CCSAP: variants seen among roughly 807,000 people sequenced by gnomAD.
CCSAP encodes centriole, cilia and spindle-associated protein.
CCSAP carries 17 observed loss-of-function variants against 25.9 expected under a neutral mutation model. The ratio of observed to expected loss-of-function variants is 0.66; its 90% CI spans 0.45 to 0.99. CCSAP has a LOEUF of 0.99. CCSAP is among the 50% of genes least tolerant of loss of function. The probability of loss-of-function intolerance (pLI) is 0.00; values close to 1 mark genes in which losing one functional copy is unlikely to be tolerated. For missense variants in CCSAP, 339 were observed against 367.8 expected, an observed-to-expected ratio of 0.92 and a Z score of 0.64; for synonymous variants, 169 against 157.1, an observed-to-expected ratio of 1.08 and a Z score of -0.57.
rs1657822005 is a variant in CCSAP at position 229,321,438 on chromosome 1, C to A, written c.*3797G>T. 2 of 152,184 alleles carry A rather than the reference C, an allele frequency of 1.3e-5. No homozygotes were observed. Among genetic ancestry groups the A allele is most frequent in the Non-Finnish European group, 2.9e-5 (2 of 68,040 alleles). The allele number at this position is 152,184 out of a possible 1,614,324, so 9.4% of individuals were successfully genotyped here. A position where few individuals can be genotyped will look rare whatever the true frequency, so the allele number is the denominator to read the frequency against. On this transcript the variant is annotated 3_prime_UTR_variant, in exon 4 of 4. Transcript: ENST00000284617. ...TTAAGCACACACTTGCACTGAATAA[C>A]TCCATATCCACCCTATAGTACAAAA... is the stretch of plus-strand genomic sequence containing the variant.
intron 2 of CCSAP, among the ~76,000 whole-genome samples, chr1:229,334,721 G>C (rs1469204329): frequency 6.6e-6 from 1 of 151,942 alleles, no homozygotes; most frequent in African/African-American, 2.4e-5. Flanking sequence ...ATAAAAATCA[G>C]TTAAAAAAAT....
In CCSAP at chr1:229,336,795, C is replaced by CTTTTT. The variant is rs1442382348; in HGVS notation, c.367+5299_367+5303dup. Among the ~76,000 whole-genome samples the CTTTTT allele has an allele frequency of 2.0e-5, 3 of 151,952 alleles. No homozygotes were observed. In the South Asian group the frequency reaches 6.2e-4, roughly 32 times the overall value. ...ATTTCTGGCCTTTTTCTTTTCTTTT[C>CTTTTT]TTTTTTTCTTTGTAGGTTAAAAGAA... On this transcript the variant is annotated intron_variant, in intron 2 of 3. Coordinates refer to ENST00000284617, the MANE Select transcript of CCSAP (RefSeq NM_145257.5).
At chr1:229,331,370 C>T (rs1424304868) in intron 2 of CCSAP, among the ~76,000 whole-genome samples, 2 of 152,094 alleles carry the variant, frequency 1.3e-5, no homozygotes, top group Non-Finnish European at 2.9e-5. Context: ...ATGGAAAATA[C>T]AGAAAAGGTA....
Position 229,342,036 on chromosome 1 carries a change from TCA to T in CCSAP, c.367+61_367+62del. ...GCGCAAGAAATAAGAGATCAGCTGC[TCA>T]GAGCTTAGAGCAAACCGTCCCTGCG... On this transcript the variant is annotated intron_variant, in intron 2 of 3. Coordinates refer to ENST00000284617, the MANE Select transcript of CCSAP (RefSeq NM_145257.5). This position sits in a 1 kb window ranked among gnomAD's most constrained non-coding sequence, Gnocchi z 7.5. The T allele has an allele frequency of 7.8e-7, 1 of 1,277,126 alleles. No individual in the cohort carries two copies. Among genetic ancestry groups the T allele is most frequent in the Non-Finnish European group, 9.9e-7 (1 of 1,012,414 alleles). The allele number at this position is 1,277,126 out of a possible 1,614,324, so 79.1% of individuals were successfully genotyped here. A position where few individuals can be genotyped will look rare whatever the true frequency, so the allele number is the denominator to read the frequency against.
chr1:229,335,653 C>T (rs559241247), intron 2 of CCSAP, among the ~76,000 whole-genome samples: 1 of 152,332 alleles, frequency 6.6e-6, no homozygotes, highest in South Asian at 2.1e-4. Flanking sequence ...TGTCTCCGGA[C>T]GCTGTCCTTA....
At position 229,324,802 on chromosome 1, in the gene CCSAP, A is replaced by T. The variant is rs1481772776; in HGVS notation, c.*433T>A. Reference sequence around the variant, plus strand: ...ACGGCATATAAGGAAAACGAGTCTTATGCTGTAGGATGGAATGATCTTATA... The same window carrying T: ...ACGGCATATAAGGAAAACGAGTCTTTTGCTGTAGGATGGAATGATCTTATA... On this transcript the variant is annotated 3_prime_UTR_variant, in exon 4 of 4. Transcript: ENST00000284617. 1 of 153,762 alleles carries T rather than the reference A, an allele frequency of 6.5e-6. No homozygotes were observed. The highest frequency in any genetic ancestry group is 1.5e-5 in the Non-Finnish European group (1 of 68,954). The allele number at this position is 153,762 out of a possible 1,614,324, so 9.5% of individuals were successfully genotyped here.
At chr1:229,333,193 G>A (rs960108637) in intron 2 of CCSAP, among the ~76,000 whole-genome samples, 2 of 152,150 alleles carry the variant, frequency 1.3e-5, no homozygotes, top group Non-Finnish European at 2.9e-5. Flanking sequence ...AGCACTTTGG[G>A]AGGCCAAGGC....
chr1:229,325,314 T>C lies in CCSAP; in HGVS notation c.734A>G (p.Lys245Arg). Reference protein sequence around the residue: ...RQRAHSVDVEKNRKMKASSSE... With the variant: ...RQRAHSVDVERNRKMKASSSE... Reference sequence around the variant, plus strand: ...GGAGGAAGCCTTCATCTTTCTGTTCTTCTCCACATCCACAGAGTGAGCTCG... The same window carrying C: ...GGAGGAAGCCTTCATCTTTCTGTTCCTCTCCACATCCACAGAGTGAGCTCG... The change falls in exon 4 of 4, where the codon AAG becomes AGG. Residue 245 changes from lysine to arginine, a missense_variant. By Grantham distance (26) the Lys-to-Arg change is conservative. Transcript: ENST00000284617. 6.2e-7 allele frequency: 1 copy of C among 1,614,224 alleles called. No individual in the cohort carries two copies. Among genetic ancestry groups the C allele is most frequent in the South Asian group, 1.1e-5 (1 of 91,084 alleles).
Position 229,342,041 on chromosome 1 carries a change from G to A in CCSAP, c.367+58C>T. ...AGAAATAAGAGATCAGCTGCTCAGA[G>A]CTTAGAGCAAACCGTCCCTGCGTGC... On this transcript the variant is annotated intron_variant, in intron 2 of 3. Transcript: ENST00000284617. This position sits in a 1 kb window ranked among gnomAD's most constrained non-coding sequence, Gnocchi z 7.5. 7.8e-7 allele frequency: 1 copy of A among 1,287,520 alleles called. No individual in the cohort carries two copies. Among genetic ancestry groups the A allele is most frequent in the South Asian group, 3.2e-5 (1 of 30,868 alleles). The allele number at this position is 1,287,520 out of a possible 1,614,324, so 79.8% of individuals were successfully genotyped here.
At chr1:229,327,657 C>T in intron 2 of CCSAP, 2 of 450,120 alleles carry the variant, frequency 4.4e-6, no homozygotes, top group South Asian at 3.1e-5. Flanking sequence ...ATCACGAGGT[C>T]AGGAGATCGA....
chr1:229,330,846 A>G (rs1184670981), intron 2 of CCSAP, among the ~76,000 whole-genome samples: 3 of 138,312 alleles, frequency 2.2e-5, no homozygotes, highest in Non-Finnish European at 4.9e-5. Context: ...AAAAAAAAAA[A>G]AAAAAGAAAA....
rs1004650344 is a variant in CCSAP at position 229,325,047 on chromosome 1, G to A, written c.*188C>T. ...CAAATGTCTATGGCTTCAACTGTCT[G>A]CCCTACTGCCGAGGTAGGTGACCAA... is the stretch of plus-strand genomic sequence containing the variant. On this transcript the variant is annotated 3_prime_UTR_variant, in exon 4 of 4. Transcript: ENST00000284617. 5 of 519,094 alleles carry A rather than the reference G, an allele frequency of 9.6e-6. No individual in the cohort carries two copies. Among genetic ancestry groups the A allele is most frequent in the Non-Finnish European group, 1.7e-5 (5 of 297,926 alleles). The allele number at this position is 519,094 out of a possible 1,614,324, so 32.2% of individuals were successfully genotyped here.
At chr1:229,333,600 C>T (rs996267152) in intron 2 of CCSAP, among the ~76,000 whole-genome samples, 1 of 152,012 alleles carries the variant, frequency 6.6e-6, no homozygotes, top group Non-Finnish European at 1.5e-5. Flanking sequence ...TTAAAGAAGG[C>T]CAGGCGCAGT....
At position 229,323,059 on chromosome 1, in the gene CCSAP, TGACACTCTTTAAAAAAGAAA is replaced by T. The variant is rs1657864091; in HGVS notation, c.*2156_*2175del. 1 of 152,154 alleles carries T rather than the reference TGACACTCTTTAAAAAAGAAA, an allele frequency of 6.6e-6. No individual in the cohort carries two copies. The highest frequency in any genetic ancestry group is 1.5e-5 in the Non-Finnish European group (1 of 68,034). The allele number at this position is 152,154 out of a possible 1,614,324, so 9.4% of individuals were successfully genotyped here. The stretch of plus-strand genomic sequence containing the variant: ...AATTTTCACAGGTTCAAAAGGTAAT[TGACACTCTTTAAAAAAGAAA>T]GAAAAGAAACCCTAACCAACTAAGG... On this transcript the variant is annotated 3_prime_UTR_variant, in exon 4 of 4. Coordinates refer to ENST00000284617, the MANE Select transcript of CCSAP (RefSeq NM_145257.5).
At chr1:229,328,750 G>A (rs1023683994) in intron 2 of CCSAP, among the ~76,000 whole-genome samples, 4 of 152,218 alleles carry the variant, frequency 2.6e-5, no homozygotes, top group African/African-American at 7.2e-5. Flanking sequence ...TGCATGGGCA[G>A]TGCATGCAAA....
At chr1:229,340,543 T>G in intron 2 of CCSAP, 1 of 676,916 alleles carries the variant, frequency 1.5e-6, no homozygotes. Context: ...AAAGTACATC[T>G]CAATTTAGCT....
chr1:229,339,690 G>A (rs530785942), intron 2 of CCSAP, among the ~76,000 whole-genome samples: 2 of 152,334 alleles, frequency 1.3e-5, no homozygotes, highest in East Asian at 3.9e-4. Context: ...TAGGTCAGGG[G>A]CCCTGGGAGA....
intron 2 of CCSAP, among the ~76,000 whole-genome samples, chr1:229,341,255 T>A (rs1439557444): frequency 6.6e-6 from 1 of 151,102 alleles, no homozygotes; most frequent in East Asian, 1.9e-4. Flanking sequence ...GAATATTAAA[T>A]GACAACATAC....
At chr1:229,341,200 A>AAAAAAAC (rs1164734196) in intron 2 of CCSAP, among the ~76,000 whole-genome samples, 1 of 151,852 alleles carries the variant, frequency 6.6e-6, no homozygotes, top group African/African-American at 2.4e-5. Flanking sequence ...TCTCAAAAAA[A>AAAAAAAC]AAAAAAAAAA....
Sources: gnomAD v4.1 joint callset for allele counts (sites outside exome capture counted in the v4.1 genomes callset) on GRCh38, gnomAD v4.1.1 for gene constraint, Gnocchi (gnomAD v3.1) non-coding constraint, MANE v1.5 for transcripts, NCBI Gene and HGNC (gene_info 2026-07-23, HGNC 2026-07-21) for gene names.